Variants in SPICE1 observed in about 807,000 individuals in gnomAD.
SPICE1 encodes spindle and centriole-associated protein 1.
Under a neutral mutation model 102.7 loss-of-function variants are expected in SPICE1, and 75 were observed. The observed-to-expected ratio is 0.73, with a 90% CI of 0.61 to 0.88. The LOEUF (loss-of-function observed/expected upper bound fraction) is 0.88, where lower values mean the gene tolerates loss of function less well. Ranked by LOEUF, SPICE1 falls within the 40% of genes least tolerant of loss-of-function variation. The pLI is 0.00. For missense variants in SPICE1, 979 were observed against 1,020.1 expected (o/e 0.96, Z 0.55); for synonymous variants, 308 against 350.3 (o/e 0.88, Z 1.35).
At chr3:113,452,699 G>T (rs887269654) in intron 14 of SPICE1, among the ~76,000 whole-genome samples, 1 of 151,468 alleles carries the variant, frequency 6.6e-6, no homozygotes, top group Admixed American at 6.6e-5. Context: ...AACAAAACAG[G>T]CTGGGCGCAG....
intron 6 of SPICE1, among the ~76,000 whole-genome samples, chr3:113,489,508 G>A (rs1414596176): frequency 6.6e-6 from 1 of 152,020 alleles, no homozygotes; most frequent in Non-Finnish European, 1.5e-5. Context: ...GGATATTTCT[G>A]TCTTTGCCTT....
At position 113,504,571 on chromosome 3, in the gene SPICE1, C is replaced by CAAAAAAAAAAAAA. The variant is rs71633321; in HGVS notation, c.100-1357_100-1345dup. Among the ~76,000 whole-genome samples the CAAAAAAAAAAAAA allele has an allele frequency of 4.4e-3, 301 of 67,816 alleles. 2 individuals are homozygous for CAAAAAAAAAAAAA. Among genetic ancestry groups the CAAAAAAAAAAAAA allele is most frequent in the Non-Finnish European group, 6.0e-3 (205 of 34,238 alleles). The allele number at this position is 67,816 out of a possible 152,430, so 44.5% of individuals were successfully genotyped here. A position where few individuals can be genotyped will look rare whatever the true frequency, so the allele number is the denominator to read the frequency against. ...TGGGCAACATAGCAAGACCTTGTCT[C>CAAAAAAAAAAAAA]AAAAAAAAAAAAAAAAAAAAAAAGG... On this transcript the variant is annotated intron_variant, in intron 2 of 17. Coordinates refer to ENST00000295872, the MANE Select transcript of SPICE1 (RefSeq NM_144718.4).
At chr3:113,484,739 G>A (rs765111195) in intron 7 of SPICE1, among the ~76,000 whole-genome samples, 3 of 151,198 alleles carry the variant, frequency 2.0e-5, no homozygotes, top group African/African-American at 7.3e-5. Context: ...TGTGGTCGGA[G>A]AGACTGTTTG....
intron 12 of SPICE1, among the ~76,000 whole-genome samples, chr3:113,458,707 C>T (rs1478894950): frequency 4.0e-5 from 6 of 151,350 alleles, no homozygotes; most frequent in African/African-American, 1.2e-4. Flanking sequence ...TCTGCCCGGC[C>T]GCCCAGTCTG....
intron 7 of SPICE1, among the ~76,000 whole-genome samples, chr3:113,475,269 C>A (rs1387387610): frequency 1.3e-5 from 2 of 152,156 alleles, no homozygotes; most frequent in East Asian, 1.9e-4. Context: ...CAATAACAGG[C>A]TCTGAAATAG....
In SPICE1 at chr3:113,472,363, A is replaced by G. The variant is rs375802413; in HGVS notation, c.612-3125T>C. On this transcript the variant is annotated intron_variant, in intron 7 of 17. Coordinates refer to ENST00000295872, the MANE Select transcript of SPICE1 (RefSeq NM_144718.4). The stretch of plus-strand genomic sequence containing the variant: ...CTCCACCTCTGGGGGCAGGGCACAG[A>G]CAAACAAAAAGACAGCAGTAACCTC... Among the ~76,000 whole-genome samples, 33 of 152,356 alleles carry G rather than the reference A, an allele frequency of 2.2e-4. No individual in the cohort carries two copies. In the East Asian group the frequency reaches 3.9e-3, roughly 18 times the overall value.
At chr3:113,496,643 C>T (rs1293522238) in intron 4 of SPICE1, among the ~76,000 whole-genome samples, 3 of 152,164 alleles carry the variant, frequency 2.0e-5, no homozygotes, top group Admixed American at 6.5e-5. Context: ...TAAGATTATG[C>T]TGGCCAAAGA....
intron 14 of SPICE1, among the ~76,000 whole-genome samples, chr3:113,452,701 T>A (rs1449608978): frequency 7.0e-6 from 1 of 143,166 alleles, no homozygotes; most frequent in Admixed American, 6.9e-5. Flanking sequence ...CAAAACAGGC[T>A]GGGCGCAGTG....
intron 7 of SPICE1, among the ~76,000 whole-genome samples, chr3:113,482,319 AATAG>A (rs1253131283): frequency 1.3e-5 from 2 of 152,040 alleles, no homozygotes; most frequent in Non-Finnish European, 2.9e-5. Flanking sequence ...CCCTTTGTCA[AATAG>A]ATAGATTGCA....
chr3:113,451,367 C>G (rs984167412), intron 14 of SPICE1, among the ~76,000 whole-genome samples: 3 of 151,986 alleles, frequency 2.0e-5, no homozygotes, highest in African/African-American at 7.3e-5. Context: ...TTTCATTATT[C>G]CTAATTATGT....
At chr3:113,488,272 T>C (rs1936689685) in intron 7 of SPICE1, among the ~76,000 whole-genome samples, 1 of 152,188 alleles carries the variant, frequency 6.6e-6, no homozygotes, top group Non-Finnish European at 1.5e-5. Flanking sequence ...TAAAGGAACA[T>C]GAAGCATGCA....
chr3:113,496,270 C>T (rs752094046), intron 4 of SPICE1, among the ~76,000 whole-genome samples: 49 of 151,998 alleles, frequency 3.2e-4, no homozygotes, highest in Non-Finnish European at 5.7e-4. Context: ...AGATTTATAA[C>T]TCCTCTCATA....
At chr3:113,463,125 T>C (rs1935971943) in intron 11 of SPICE1, among the ~76,000 whole-genome samples, 1 of 152,196 alleles carries the variant, frequency 6.6e-6, no homozygotes, top group Non-Finnish European at 1.5e-5. Flanking sequence ...TTGGCTCAAA[T>C]GTCACTTCCT....
At chr3:113,484,821 T>G (rs541010252) in intron 7 of SPICE1, among the ~76,000 whole-genome samples, 1 of 152,182 alleles carries the variant, frequency 6.6e-6, no homozygotes, top group Non-Finnish European at 1.5e-5. Flanking sequence ...GATGAGGTAC[T>G]GAGAAGAATG....
chr3:113,471,344 C>G (rs557688084), intron 7 of SPICE1, among the ~76,000 whole-genome samples: 1 of 152,126 alleles, frequency 6.6e-6, no homozygotes, highest in East Asian at 1.9e-4. Context: ...TTATAAGAAA[C>G]AGACAGAGGA....
chr3:113,514,791 A>T (rs1937290858), intron 1 of SPICE1, 106 bp downstream of exon 1: 1 of 1,284,574 alleles, frequency 7.8e-7, no homozygotes, highest in African/African-American at 1.5e-5. Flanking sequence ...GAGCACCCCC[A>T]ATTACCAGCT....
chr3:113,495,575 C>T (rs962467393), intron 4 of SPICE1, among the ~76,000 whole-genome samples: 1 of 152,158 alleles, frequency 6.6e-6, no homozygotes, highest in Non-Finnish European at 1.5e-5. Flanking sequence ...CTTCCCCAGC[C>T]CCACAGGGGT....
intron 1 of SPICE1, chr3:113,514,302 T>C (rs1221260491): frequency 9.0e-6 from 2 of 222,276 alleles, no homozygotes; most frequent in Admixed American, 5.7e-5. Context: ...AAATCCACTC[T>C]GACTGGTGTG....
At chr3:113,471,797 T>C (rs2107468362) in intron 7 of SPICE1, among the ~76,000 whole-genome samples, 1 of 152,278 alleles carries the variant, frequency 6.6e-6, no homozygotes. Flanking sequence ...TTTTGTTTTT[T>C]CGGGAAGGGC....
Sources: gnomAD v4.1 joint callset for allele counts (sites outside exome capture counted in the v4.1 genomes callset) on GRCh38, gnomAD v4.1.1 for gene constraint, MANE v1.5 for transcripts, NCBI Gene and HGNC (gene_info 2026-07-23, HGNC 2026-07-21) for gene names.